The following MED13L variants were observed in gnomAD, a reference collection of about 807,000 sequenced individuals.
MED13L encodes mediator of RNA polymerase II transcription subunit 13-like.
A neutral mutation model predicts 220.9 loss-of-function variants in MED13L; 7 were observed. The observed-to-expected ratio is 0.03, with a 90% CI of 0.02 to 0.06. The LOEUF (loss-of-function observed/expected upper bound fraction) is 0.06. Ranked by LOEUF, MED13L falls within the 10% of genes least tolerant of loss-of-function variation. MED13L has a pLI of 1.00. For missense variants in MED13L, 1,965 were observed against 2,760.5 expected (o/e 0.71, Z 6.46); for synonymous variants, 1,011 against 1,015.2 (o/e 1.00, Z 0.08).
intron 3 of MED13L, among the ~76,000 whole-genome samples, chr12:116,104,367 A>C (rs1873369691): frequency 6.6e-6 from 1 of 152,096 alleles, no homozygotes; most frequent in Non-Finnish European, 1.5e-5. Context: ...ATCACAACAC[A>C]TTGAAAGATA....
At chr12:116,269,376 C>T (rs1873077484) in intron 1 of MED13L, among the ~76,000 whole-genome samples, 2 of 149,882 alleles carry the variant, frequency 1.3e-5, no homozygotes, top group Non-Finnish European at 3.0e-5. Context: ...GTATTAAGCC[C>T]AGCATCCATT....
At chr12:116,196,395 TCTGA>T (rs993553035) in intron 2 of MED13L, among the ~76,000 whole-genome samples, 34 of 150,148 alleles carry the variant, frequency 2.3e-4, no homozygotes, top group African/African-American at 7.8e-4. Flanking sequence ...AAAAAAAAAG[TCTGA>T]CTGGCCCAGT....
rs771924021 is a variant in MED13L at position 115,982,459 on chromosome 12, C to G, written c.5100G>C (p.Leu1700=). 1 of 1,614,150 alleles carries G rather than the reference C, an allele frequency of 6.2e-7. No individual in the cohort carries two copies. Among genetic ancestry groups the G allele is most frequent in the Non-Finnish European group, 8.5e-7 (1 of 1,180,018 alleles). ...EEDSTSGNFW[L]LSLMRCYTEM... is the part of the protein sequence containing the mutation. ...CTGTGTAGCAGCGCATCAAGCTCAA[C>G]AGCCAAAAGTTCCCAGAAGTGGAGT... is the stretch of plus-strand genomic sequence containing the variant. Residue 1700 remains leucine (L), a synonymous_variant, in exon 22 of 31, where the codon CTG becomes CTC. Transcript: ENST00000281928.
At chr12:116,186,276 T>C (rs1486738803) in intron 2 of MED13L, among the ~76,000 whole-genome samples, 1 of 152,226 alleles carries the variant, frequency 6.6e-6, no homozygotes, top group Admixed American at 6.5e-5. Flanking sequence ...CTGAGAACCC[T>C]GCAAACCGAT....
At chr12:116,227,220 A>T (rs1286821874) in intron 2 of MED13L, among the ~76,000 whole-genome samples, 2 of 152,184 alleles carry the variant, frequency 1.3e-5, no homozygotes, top group Non-Finnish European at 2.9e-5. Flanking sequence ...TTCGCTATTT[A>T]TCTCTGATTT....
At chr12:116,223,556 T>C (rs771916218) in intron 2 of MED13L, among the ~76,000 whole-genome samples, 1 of 151,866 alleles carries the variant, frequency 6.6e-6, no homozygotes, top group Non-Finnish European at 1.5e-5. Context: ...AATATAAAAT[T>C]AGCCGAGCAT....
chr12:116,185,730 T>A (rs190908526), intron 2 of MED13L, among the ~76,000 whole-genome samples: 23 of 150,924 alleles, frequency 1.5e-4, no homozygotes, highest in Non-Finnish European at 3.1e-4. Flanking sequence ...AGAGTCTCGC[T>A]CTGTCACCCA....
intron 1 of MED13L, among the ~76,000 whole-genome samples, chr12:116,259,736 A>T (rs1199865548): frequency 1.3e-5 from 2 of 152,190 alleles, no homozygotes; most frequent in Non-Finnish European, 2.9e-5. Context: ...AAGAAAAAAA[A>T]ATCTGGAATA....
chr12:116,135,805 A>G (rs542607748), intron 2 of MED13L, among the ~76,000 whole-genome samples: 4 of 152,224 alleles, frequency 2.6e-5, no homozygotes, highest in Admixed American at 1.3e-4. Context: ...AGGCTAGCTG[A>G]TCAGTTTTGT....
chr12:116,031,745 GAAAA>G (rs1355415241), intron 4 of MED13L, among the ~76,000 whole-genome samples: 1,858 of 47,402 alleles, frequency 0.039, 107 homozygotes, highest in East Asian at 0.068. Flanking sequence ...GAAAAGAAAA[GAAAA>G]GAAAAGAAAA....
At chr12:116,095,225 A>C (rs1872551281) in intron 4 of MED13L, among the ~76,000 whole-genome samples, 1 of 152,210 alleles carries the variant, frequency 6.6e-6, no homozygotes, top group Non-Finnish European at 1.5e-5. Flanking sequence ...AGTTAAGCCG[A>C]ATCTATACAT....
chr12:116,067,778 G>T (rs1870058686), intron 4 of MED13L, among the ~76,000 whole-genome samples: 2 of 152,136 alleles, frequency 1.3e-5, no homozygotes, highest in African/African-American at 4.8e-5. Flanking sequence ...TCTATAAAAT[G>T]AACATAACAA....
chr12:116,072,739 G>C (rs1870484275), intron 4 of MED13L, among the ~76,000 whole-genome samples: 1 of 152,192 alleles, frequency 6.6e-6, no homozygotes, highest in Non-Finnish European at 1.5e-5. Flanking sequence ...AAAATTAACT[G>C]AGAGGCAGTA....
intron 1 of MED13L, among the ~76,000 whole-genome samples, chr12:116,246,592 G>T (rs1055056051): frequency 2.0e-5 from 3 of 149,714 alleles, no homozygotes; most frequent in African/African-American, 7.4e-5. Flanking sequence ...GCAGAAGGAC[G>T]ACTTGACCTA....
At chr12:116,135,903 CTTTT>C (rs772070607) in intron 2 of MED13L, among the ~76,000 whole-genome samples, 9 of 139,860 alleles carry the variant, frequency 6.4e-5, no homozygotes, top group Admixed American at 7.2e-5. Flanking sequence ...CAAAGATTCC[CTTTT>C]TTTTTTTTTT....
chr12:116,246,485 A>G lies in MED13L; in HGVS notation c.73-8780T>C, dbSNP rs116269678. ...GAGAGTCTTAAAGGGGTTTCATACA[A>G]TAGGCAAAAACTGTGGGGATGAGTT... On this transcript the variant is annotated intron_variant, in intron 1 of 30. Coordinates refer to ENST00000281928, the MANE Select transcript of MED13L (RefSeq NM_015335.5). 4.4e-3 allele frequency among the ~76,000 whole-genome samples: 660 copies of G among 151,612 alleles called. 6 individuals are homozygous for G. Among genetic ancestry groups the G allele is most frequent in the African/African-American group, 0.015 (612 of 41,334 alleles).
chr12:116,161,635 T>G lies in MED13L; in HGVS notation c.311-50123A>C, dbSNP rs140580570. Among the ~76,000 whole-genome samples, 789 of 152,108 alleles carry G rather than the reference T, an allele frequency of 5.2e-3. 7 individuals are homozygous for G. The highest frequency in any genetic ancestry group is 8.1e-3 in the Non-Finnish European group (551 of 68,006). ...AGGAGACAGATATAACCAACTACAA[T>G]GCAAACAAGCAAAAGTTACTATGGA... On this transcript the variant is annotated intron_variant, in intron 2 of 30. Coordinates refer to ENST00000281928, the MANE Select transcript of MED13L (RefSeq NM_015335.5).
chr12:115,985,436 T>C (rs1018695701), intron 19 of MED13L, among the ~76,000 whole-genome samples: 1 of 152,242 alleles, frequency 6.6e-6, no homozygotes, highest in Non-Finnish European at 1.5e-5. Flanking sequence ...AGATCATGAA[T>C]GTCCTGTTTT....
chr12:116,108,062 C>T (rs1256423274), intron 3 of MED13L, among the ~76,000 whole-genome samples: 1 of 151,844 alleles, frequency 6.6e-6, no homozygotes, highest in East Asian at 1.9e-4. Flanking sequence ...TGCACTCCAG[C>T]CTGGGCAACA....
Sources: gnomAD v4.1 joint callset for allele counts (sites outside exome capture counted in the v4.1 genomes callset) on GRCh38, gnomAD v4.1.1 for gene constraint, MANE v1.5 for transcripts, NCBI Gene and HGNC (gene_info 2026-07-23, HGNC 2026-07-21) for gene names.